Variants in CSMD1 observed in about 807,000 individuals in gnomAD.
CSMD1 encodes CUB and sushi domain-containing protein 1.
In CSMD1, 213 loss-of-function variants were observed where a neutral mutation model predicts 417.5. The ratio of observed to expected loss-of-function variants is 0.51; its 90% confidence interval spans 0.46 to 0.57. The LOEUF (loss-of-function observed/expected upper bound fraction) is 0.57, where lower values mean the gene tolerates loss of function less well. Ranked by LOEUF, CSMD1 falls within the 20% of genes least tolerant of loss-of-function variation. The probability of loss-of-function intolerance (pLI) is 0.00; values close to 1 mark genes in which losing one functional copy is unlikely to be tolerated. For synonymous variants in CSMD1, 2,862 were observed against 1,736.8 expected (o/e 1.65, Z -16.11); for missense variants, 6,923 against 4,529.7 (o/e 1.53, Z -15.17).
intron 3 of CSMD1, among the ~76,000 whole-genome samples, chr8:4,379,318 C>A (rs1360403528): frequency 1.3e-5 from 2 of 152,182 alleles, no homozygotes; most frequent in Non-Finnish European, 2.9e-5. Context: ...CAAGGAAAGA[C>A]TAATTAGCTG....
Position 4,596,091 on chromosome 8 carries a change from G to A in CSMD1, c.302+41251C>T, listed in dbSNP as rs1003410242. 5.9e-5 allele frequency among the ~76,000 whole-genome samples: 9 copies of A among 152,082 alleles called. No individual in the cohort carries two copies. In the East Asian group the frequency reaches 1.5e-3, roughly 26 times the overall value. ...CTTTCTCTCAAGGGCCAACTTCCCT[G>A]TGTGTTACTGCAATTGTAATAATGA... On this transcript the variant is annotated intron_variant, in intron 2 of 69. Transcript: ENST00000635120.
intron 23 of CSMD1, among the ~76,000 whole-genome samples, chr8:3,321,215 G>A (rs539165607): frequency 6.7e-4 from 102 of 152,178 alleles, no homozygotes; most frequent in Non-Finnish European, 1.2e-3. Flanking sequence ...CTGCACACAA[G>A]ATTGCTGTTG....
At position 3,439,910 on chromosome 8, in the gene CSMD1, C is replaced by G. The variant is rs190585151; in HGVS notation, c.1561+28802G>C. 1.8e-3 allele frequency among the ~76,000 whole-genome samples: 275 copies of G among 152,282 alleles called. 3 individuals are homozygous for G. The highest frequency in any genetic ancestry group is 0.016 in the Admixed American group (248 of 15,288). On this transcript the variant is annotated intron_variant, in intron 12 of 69. Coordinates refer to ENST00000635120, the MANE Select transcript of CSMD1 (RefSeq NM_033225.6). Reference sequence around the variant, plus strand: ...GTCCTGGAGCCATTCACTGAAAAGACTATTCTTCCTCCATTGAATTGCTTT... The same window carrying G: ...GTCCTGGAGCCATTCACTGAAAAGAGTATTCTTCCTCCATTGAATTGCTTT...
intron 7 of CSMD1, among the ~76,000 whole-genome samples, chr8:3,671,667 T>C (rs1221402075): frequency 6.6e-6 from 1 of 150,670 alleles, no homozygotes; most frequent in East Asian, 2.0e-4. Flanking sequence ...TCTGCCTTGC[T>C]TTAAGGTGCT....
At chr8:4,791,059 G>GGAGAGAGACGGTGAGAGAGACGGT (rs137905173) in intron 1 of CSMD1, among the ~76,000 whole-genome samples, 4 of 143,704 alleles carry the variant, frequency 2.8e-5, no homozygotes, top group African/African-American at 1.0e-4. Context: ...AAGCTAGTAG[G>GGAGAGAGACGGTGAGAGAGACGGT]GAGAGAGACG....
intron 1 of CSMD1, among the ~76,000 whole-genome samples, chr8:4,962,151 G>T (rs79998665): frequency 6.7e-6 from 1 of 148,528 alleles, no homozygotes. Context: ...CAACTATCCA[G>T]TGAAACACAA....
chr8:3,110,599 C>G (rs923937358), intron 42 of CSMD1, among the ~76,000 whole-genome samples: 2 of 152,214 alleles, frequency 1.3e-5, no homozygotes, highest in Admixed American at 6.5e-5. Flanking sequence ...ATTTATTCTT[C>G]TATGCCTCAA....
At chr8:4,898,557 G>A (rs771680840) in intron 1 of CSMD1, among the ~76,000 whole-genome samples, 109 of 152,264 alleles carry the variant, frequency 7.2e-4, no homozygotes, top group Non-Finnish European at 1.3e-3. Flanking sequence ...TTAAATCCAA[G>A]GGTGAGCATG....
At chr8:3,977,373 A>T (rs997530096) in intron 5 of CSMD1, among the ~76,000 whole-genome samples, 2 of 152,044 alleles carry the variant, frequency 1.3e-5, no homozygotes, top group African/African-American at 4.8e-5. Flanking sequence ...CACTCAATAC[A>T]TTTTGCTGAA....
chr8:3,909,473 T>C (rs1365354895), intron 5 of CSMD1, among the ~76,000 whole-genome samples: 1 of 152,054 alleles, frequency 6.6e-6, no homozygotes. Context: ...GAGACAGCAG[T>C]GCGGAAATAT....
chr8:3,260,238 T>C (rs1051479438), intron 26 of CSMD1, among the ~76,000 whole-genome samples: 3 of 152,136 alleles, frequency 2.0e-5, no homozygotes, highest in Non-Finnish European at 4.4e-5. Context: ...AACTAGGTTA[T>C]CATTTTCTCA....
intron 1 of CSMD1, among the ~76,000 whole-genome samples, chr8:4,637,781 C>T (rs1390938072): frequency 1.3e-5 from 2 of 151,330 alleles, no homozygotes; most frequent in African/African-American, 4.8e-5. Context: ...CGCCATTCTC[C>T]TGCCTCAGCC....
At chr8:3,762,686 G>C (rs539199851) in intron 5 of CSMD1, among the ~76,000 whole-genome samples, 15 of 152,320 alleles carry the variant, frequency 9.8e-5, no homozygotes, top group Admixed American at 3.9e-4. Context: ...CCCAGAGAAA[G>C]AGAGAGAGCC....
intron 1 of CSMD1, among the ~76,000 whole-genome samples, chr8:4,784,730 A>G (rs1344436453): frequency 6.6e-6 from 1 of 152,224 alleles, no homozygotes; most frequent in African/African-American, 2.4e-5. Flanking sequence ...TGTTAATAAG[A>G]GATTTAAATG....
At chr8:4,349,588 A>G (rs1183386720) in intron 3 of CSMD1, among the ~76,000 whole-genome samples, 1 of 152,170 alleles carries the variant, frequency 6.6e-6, no homozygotes, top group Non-Finnish European at 1.5e-5. Context: ...ACATTTAGCA[A>G]CCAAATTGTC....
At chr8:4,181,858 C>T (rs1055739840) in intron 3 of CSMD1, among the ~76,000 whole-genome samples, 1 of 152,090 alleles carries the variant, frequency 6.6e-6, no homozygotes, top group South Asian at 2.1e-4. Flanking sequence ...ATAAATTCTC[C>T]TTTAGCCTAG....
At chr8:4,383,984 G>A (rs960531334) in intron 3 of CSMD1, among the ~76,000 whole-genome samples, 9 of 152,274 alleles carry the variant, frequency 5.9e-5, no homozygotes, top group East Asian at 1.9e-4. Flanking sequence ...TACCCTTTAA[G>A]TAGCACTTGG....
Position 3,930,763 on chromosome 8 carries a change from G to A in CSMD1, c.818+67140C>T, listed in dbSNP as rs1342287449. Reference sequence around the variant, plus strand: ...TATGTTCAAGTGCTACTTCTTTACGGCACCAGGGAACAAGCATTTCTAACA... The same window carrying A: ...TATGTTCAAGTGCTACTTCTTTACGACACCAGGGAACAAGCATTTCTAACA... On this transcript the variant is annotated intron_variant, in intron 5 of 69. Transcript: ENST00000635120. Among the ~76,000 whole-genome samples the A allele has an allele frequency of 2.0e-5, 3 of 150,388 alleles. 1 individual carries two copies. The highest frequency in any genetic ancestry group is 1.3e-4 in the Admixed American group (2 of 15,120).
intron 7 of CSMD1, among the ~76,000 whole-genome samples, chr8:3,658,753 A>T (rs1360032454): frequency 6.6e-6 from 1 of 152,172 alleles, no homozygotes; most frequent in Non-Finnish European, 1.5e-5. Flanking sequence ...ACTGAACTTC[A>T]GCCTGGGTGA....
Sources: gnomAD v4.1 joint callset for allele counts (sites outside exome capture counted in the v4.1 genomes callset) on GRCh38, gnomAD v4.1.1 for gene constraint, MANE v1.5 for transcripts, NCBI Gene and HGNC (gene_info 2026-07-23, HGNC 2026-07-21) for gene names.